Variants in IL7 observed in about 807,000 individuals in gnomAD.
IL7 encodes the protein interleukin-7.
In IL7, 3 loss-of-function variants were observed where a neutral mutation model predicts 21.6. The observed-to-expected ratio is 0.14, with a 90% CI of 0.06 to 0.36. The LOEUF (loss-of-function observed/expected upper bound fraction) is 0.36. IL7 is among the 10% of genes least tolerant of loss of function. The pLI, the probability that IL7 is intolerant of heterozygous loss-of-function variation, is 1.00. For synonymous variants in IL7, 62 were observed against 68.1 expected (o/e 0.91, Z 0.44); for missense variants, 175 against 200.2 (o/e 0.87, Z 0.76).
At chr8:78,787,011 G>T (rs983418162) in intron 2 of IL7, among the ~76,000 whole-genome samples, 6 of 152,214 alleles carry the variant, frequency 3.9e-5, no homozygotes, top group African/African-American at 1.4e-4. Context: ...GGAGGTATTT[G>T]GAGGGTGGCA....
chr8:78,748,639 A>G (rs1452708576), intron 2 of IL7, among the ~76,000 whole-genome samples: 1 of 152,170 alleles, frequency 6.6e-6, no homozygotes, highest in Admixed American at 6.5e-5. Context: ...GGAGTGTATA[A>G]ATTATGTGTT....
intron 2 of IL7, among the ~76,000 whole-genome samples, chr8:78,765,133 C>T (rs1382861355): frequency 6.6e-6 from 1 of 152,062 alleles, no homozygotes; most frequent in Non-Finnish European, 1.5e-5. Context: ...ATCCACACCC[C>T]TAACATTAAT....
chr8:78,697,052 C>T (rs1216162104), intron 3 of IL7, among the ~76,000 whole-genome samples: 1 of 152,106 alleles, frequency 6.6e-6, no homozygotes, highest in African/African-American at 2.4e-5. Context: ...GTTTGGAAAA[C>T]CTTTGAGGTG....
At chr8:78,722,199 T>C (rs1474125946) in intron 3 of IL7, among the ~76,000 whole-genome samples, 2 of 151,970 alleles carry the variant, frequency 1.3e-5, no homozygotes, top group Admixed American at 1.3e-4. Flanking sequence ...GAGTTACTCA[T>C]GTTCATCTGC....
At chr8:78,761,809 C>T in intron 2 of IL7, 8 of 1,612,044 alleles carry the variant, frequency 5.0e-6, no homozygotes, top group Non-Finnish European at 6.8e-6. Context: ...TTATCCGACA[C>T]TCCAGTAGTG....
chr8:78,741,466 T>G (rs986840597), intron 2 of IL7, among the ~76,000 whole-genome samples: 5 of 152,082 alleles, frequency 3.3e-5, no homozygotes, highest in Admixed American at 3.3e-4. Context: ...AAAAAGAAGG[T>G]GAAACGTGTA....
intron 3 of IL7, among the ~76,000 whole-genome samples, chr8:78,702,584 T>C (rs1025991448): frequency 3.3e-5 from 5 of 152,206 alleles, no homozygotes; most frequent in Non-Finnish European, 7.4e-5. Flanking sequence ...TTCTAACTTT[T>C]GATGTGGGCA....
intron 2 of IL7, among the ~76,000 whole-genome samples, chr8:78,778,174 TA>T (rs1813196880): frequency 6.6e-6 from 1 of 152,136 alleles, no homozygotes; most frequent in African/African-American, 2.4e-5. Flanking sequence ...TGGTCTTTTT[TA>T]TACCTGTGCT....
downstream of IL7, among the ~76,000 whole-genome samples, chr8:78,675,282 A>G (rs991763029): frequency 2.6e-5 from 4 of 151,896 alleles, no homozygotes; most frequent in African/African-American, 9.7e-5. Flanking sequence ...TGTAATTTGC[A>G]TAACTAGGTG....
chr8:78,760,816 C>A (rs1437712463), intron 2 of IL7: 40 of 1,545,444 alleles, frequency 2.6e-5, no homozygotes, highest in Non-Finnish European at 3.0e-5. Flanking sequence ...TTGTGGCTTC[C>A]TCAAACCAAA....
intron 4 of IL7, among the ~76,000 whole-genome samples, chr8:78,682,719 C>T (rs1289793287): frequency 3.9e-5 from 6 of 152,144 alleles, no homozygotes; most frequent in Non-Finnish European, 8.8e-5. Flanking sequence ...CATGCCTTCC[C>T]AACAGTCCCC....
At chr8:78,678,511 C>T (rs1809658332) in intron 4 of IL7, 1 of 1,449,346 alleles carries the variant, frequency 6.9e-7, no homozygotes, top group Non-Finnish European at 9.5e-7. Context: ...GTTCTGTAGT[C>T]TTACCTTCTG....
chr8:78,704,805 T>G (rs913527682), intron 3 of IL7, among the ~76,000 whole-genome samples: 1 of 152,194 alleles, frequency 6.6e-6, no homozygotes. Context: ...CTTTTCATCC[T>G]TTTTTTCTCT....
At chr8:78,707,569 T>C (rs1321296183) in intron 3 of IL7, among the ~76,000 whole-genome samples, 2 of 152,220 alleles carry the variant, frequency 1.3e-5, no homozygotes, top group Non-Finnish European at 2.9e-5. Flanking sequence ...TTGAGTACAA[T>C]AATTTTGTCA....
intron 2 of IL7, among the ~76,000 whole-genome samples, chr8:78,784,872 C>T (rs927069578): frequency 6.6e-6 from 1 of 152,034 alleles, no homozygotes; most frequent in Non-Finnish European, 1.5e-5. Context: ...CTCCCCTCCC[C>T]CTCCATCTTC....
In IL7 at chr8:78,738,587, T is replaced by C. The variant is rs1372795463; in HGVS notation, c.277A>G (p.Lys93Glu). Reference sequence around the variant, plus strand: ...TCAAAATCACCAGTGCTATTCATTTTAAGAAATTGCCTCAACTTGCGAGCA... The same window carrying C: ...TCAAAATCACCAGTGCTATTCATTTCAAGAAATTGCCTCAACTTGCGAGCA... ...RAARKLRQFL[K>E]MNSTGDFDLH... Residue 93 changes from lysine (K) to glutamate (E), a missense_variant, in exon 4 of 6, where the codon AAA (lysine) becomes GAA (glutamate). Transcript: ENST00000263851. The C allele has an allele frequency of 6.2e-7, 1 of 1,613,722 alleles. No homozygotes were observed. Among genetic ancestry groups the C allele is most frequent in the African/African-American group, 1.3e-5 (1 of 74,920 alleles).
rs183792175 is a variant in IL7 at position 78,704,063 on chromosome 8, A to G, written n.214+17285T>C. ...ATGAAGCTTAGTTTGGCCTGATATG[A>G]AATTTTGAGTTGGAATTTCTTTTCT... On this transcript the variant is annotated intron_variant and non_coding_transcript_variant, in intron 3 of 4. Coordinates refer to the IL7 transcript ENST00000523959. Among the ~76,000 whole-genome samples the G allele has an allele frequency of 2.4e-3, 360 of 152,254 alleles. 2 individuals carry two copies. Among genetic ancestry groups the G allele is most frequent in the African/African-American group, 8.1e-3 (338 of 41,546 alleles).
intron 3 of IL7, among the ~76,000 whole-genome samples, chr8:78,691,937 T>C (rs1317108506): frequency 6.6e-6 from 1 of 152,172 alleles, no homozygotes; most frequent in East Asian, 1.9e-4. Flanking sequence ...TATATATTTA[T>C]GGGGTACAAA....
At chr8:78,804,882 G>C in intron 1 of IL7, 31 bp downstream of exon 1, 2 of 1,612,466 alleles carry the variant, frequency 1.2e-6, no homozygotes, top group Non-Finnish European at 1.7e-6. Context: ...TCGGGCGCGC[G>C]AACTTGTGCG....
Sources: gnomAD v4.1 joint callset for allele counts (sites outside exome capture counted in the v4.1 genomes callset) on GRCh38, gnomAD v4.1.1 for gene constraint, MANE v1.5 for transcripts, NCBI Gene and HGNC (gene_info 2026-07-23, HGNC 2026-07-21) for gene names.